MYLK2: variants seen among roughly 807,000 people sequenced by gnomAD.
MYLK2 encodes myosin light chain kinase 2, also known as myosin light chain kinase 2, skeletal/cardiac muscle.
MYLK2 carries 27 observed loss-of-function variants against 58.2 expected under a neutral mutation model. The observed-to-expected ratio is 0.46, with a 90% CI of 0.34 to 0.64. The LOEUF (loss-of-function observed/expected upper bound fraction) is 0.64, where lower values mean the gene tolerates loss of function less well. MYLK2 is among the 30% of genes least tolerant of loss of function. The pLI, the probability that MYLK2 is intolerant of heterozygous loss-of-function variation, is 0.01. For missense variants in MYLK2, 676 were observed against 764.3 expected (o/e 0.88, Z 1.36); for synonymous variants, 310 against 296.7 (o/e 1.04, Z -0.46).
intron 12 of MYLK2, 89 bp from the exon 13 acceptor site, chr20:31,833,628 A>T: frequency 1.7e-6 from 2 of 1,170,726 alleles, no homozygotes; most frequent in Admixed American, 3.4e-5. Flanking sequence ...ACCCTCCTGG[A>T]CTGAAGGGGA....
In MYLK2 at chr20:31,826,947, C is replaced by T. The variant is rs1300750550; in HGVS notation, c.1224+9C>T. ...TGCACCTGGACCTCAAGGTACCAGA[C>T]TGGGGCCTCCTGGGAAGGGTCAGGG... On this transcript the variant is annotated intron_variant, in intron 8 of 12. Coordinates refer to ENST00000375985, the MANE Select transcript of MYLK2 (RefSeq NM_033118.4). 1 of 1,614,004 alleles carries T rather than the reference C, an allele frequency of 6.2e-7. No homozygotes were observed. The highest frequency in any genetic ancestry group is 8.5e-7 in the Non-Finnish European group (1 of 1,179,990).
chr20:31,819,395 C>G lies in MYLK2; in HGVS notation c.-82C>G. On this transcript the variant is annotated 5_prime_UTR_variant, in exon 1 of 13. Transcript: ENST00000375985. ...CTGCTCCTGAGCAGCCGCTGGGAGA[C>G]AGACGGCAACCAGGTTGCCCCTCTT... The G allele has an allele frequency of 1.3e-6, 1 of 749,616 alleles. No individual in the cohort carries two copies. Among genetic ancestry groups the G allele is most frequent in the South Asian group, 1.5e-5 (1 of 64,700 alleles). The allele number at this position is 749,616 out of a possible 1,614,324, so 46.4% of individuals were successfully genotyped here. A position where few individuals can be genotyped will look rare whatever the true frequency, so the allele number is the denominator to read the frequency against.
chr20:31,832,204 G>C (rs775243265), intron 12 of MYLK2, 68 bp downstream of exon 12: 1 of 1,565,008 alleles, frequency 6.4e-7, no homozygotes, highest in Non-Finnish European at 8.7e-7. Flanking sequence ...CCAGATCCCA[G>C]CCTCCACCGT....
intron 4 of MYLK2, among the ~76,000 whole-genome samples, chr20:31,822,536 A>G (rs2062256306): frequency 1.3e-5 from 2 of 151,938 alleles, no homozygotes. Flanking sequence ...GGCTGCAGAG[A>G]GCACTGAGTG....
chr20:31,833,859 CCCAGAAGG>C lies in MYLK2; in HGVS notation c.*69_*76del. On this transcript the variant is annotated 3_prime_UTR_variant, in exon 13 of 13. Coordinates refer to ENST00000375985, the MANE Select transcript of MYLK2 (RefSeq NM_033118.4). ...AGTGGCCGGGGCTGAAGCCACACAGCCCAGAAGGCCAGAAAAGGCAGCCAGATCCCCAG... is the reference window on the plus strand; with the variant it reads ...AGTGGCCGGGGCTGAAGCCACACAGCCCAGAAAAGGCAGCCAGATCCCCAG... 2 of 1,493,924 alleles carry C rather than the reference CCCAGAAGG, an allele frequency of 1.3e-6. No homozygotes were observed. Among genetic ancestry groups the C allele is most frequent in the Admixed American group, 1.7e-5 (1 of 59,086 alleles). 92.5% of individuals were successfully genotyped at this position (1,493,924 alleles called of 1,614,324 possible). A position where few individuals can be genotyped will look rare whatever the true frequency, so the allele number is the denominator to read the frequency against.
intron 6 of MYLK2, 143 bp downstream of exon 6, chr20:31,824,495 G>C: frequency 1.3e-6 from 2 of 1,510,082 alleles, no homozygotes; most frequent in Non-Finnish European, 1.8e-6. Context: ...CACAGATAGA[G>C]AGATGGATGG....
intron 4 of MYLK2, among the ~76,000 whole-genome samples, chr20:31,821,993 A>T (rs141893852): frequency 2.4e-3 from 365 of 152,302 alleles, no homozygotes; most frequent in Non-Finnish European, 4.0e-3. Context: ...GCCTCAAGTG[A>T]TCCTCCCACC....
chr20:31,830,466 C>T (rs1600413131), intron 8 of MYLK2, among the ~76,000 whole-genome samples: 1 of 152,204 alleles, frequency 6.6e-6, no homozygotes. Flanking sequence ...ACTGGCCCCC[C>T]AGCCTGGGGG....
At position 31,833,658 on chromosome 20, in the gene MYLK2, C is replaced by T. The variant is rs2040025422; in HGVS notation, c.1711-59C>T. On this transcript the variant is annotated intron_variant, in intron 12 of 12. Transcript: ENST00000375985. The stretch of plus-strand genomic sequence containing the variant: ...AGGGGACTTACAGGCTGCTCAGACA[C>T]CCTGCAGCTGCCCCCCTGCCCTGGT... 2.7e-6 allele frequency: 4 copies of T among 1,480,160 alleles called. No homozygotes were observed. In the South Asian group the frequency reaches 4.5e-5, roughly 17 times the overall value. 91.7% of individuals were successfully genotyped at this position (1,480,160 alleles called of 1,614,324 possible). A position where few individuals can be genotyped will look rare whatever the true frequency, so the allele number is the denominator to read the frequency against.
At chr20:31,827,206 G>A (rs2062285418) in intron 8 of MYLK2, 1 of 985,258 alleles carries the variant, frequency 1.0e-6, no homozygotes, top group African/African-American at 1.7e-5. Flanking sequence ...TTGTTGAAAG[G>A]GCCTTTTGCA....
chr20:31,833,747 C>T lies in MYLK2; in HGVS notation c.1741C>T (p.Arg581Cys), dbSNP rs766199082. 1.5e-5 allele frequency: 25 copies of T among 1,613,830 alleles called. No homozygotes were observed. In the South Asian group the frequency reaches 2.0e-4, roughly 13 times the overall value. Residue 581 changes from arginine to cysteine, a missense_variant, in exon 13 of 13, where the codon CGC (arginine) becomes TGC (cysteine). Around this residue, in one of 2 missense-constraint regions of MYLK2, gnomAD observed 370 missense variants for 467.8 expected, o/e 0.79. Coordinates refer to ENST00000375985, the MANE Select transcript of MYLK2 (RefSeq NM_033118.4). The part of the protein sequence containing the change: ...KNFIAVSAAN[R>C]FKKISSSGAL... ...CTTCATTGCTGTCAGCGCTGCCAAC[C>T]GCTTCAAGAAGATCAGCAGCTCGGG...
rs1442623234 is a variant in MYLK2, at chr20:31,820,191, G to C, written c.118G>C (p.Asp40His). The C allele has an allele frequency of 3.7e-6, 6 of 1,613,892 alleles. No individual in the cohort carries two copies. The highest frequency in any genetic ancestry group is 2.7e-5 in the African/African-American group (2 of 74,924). ...LAAGKDPGPPDPKKAPDPPTL... is the reference protein window; with the variant it reads ...LAAGKDPGPPHPKKAPDPPTL... The stretch of plus-strand genomic sequence containing the variant: ...TGCAGGGAAAGACCCTGGCCCCCCA[G>C]ACCCAAAGAAAGCTCCGGATCCACC... Residue 40 changes from aspartate to histidine, a missense_variant, in exon 3 of 13, where the codon GAC becomes CAC. Asp to His is a moderately conservative substitution (Grantham distance 81). Transcript: ENST00000375985.
chr20:31,819,650 G>C lies in MYLK2; in HGVS notation c.52+18G>C, dbSNP rs183666766. ...ATCAACAGGTGCCAAGCTGGGGCAG[G>C]AGATGGAGGGAGGAGCTTGGGAAGG... On this transcript the variant is annotated intron_variant, in intron 2 of 12. Coordinates refer to ENST00000375985, the MANE Select transcript of MYLK2 (RefSeq NM_033118.4). 1 of 1,551,350 alleles carries C rather than the reference G, an allele frequency of 6.4e-7. No individual in the cohort carries two copies. The highest frequency in any genetic ancestry group is 2.0e-5 in the Admixed American group (1 of 50,988).
At chr20:31,832,178 G>A (rs2062310528) in intron 12 of MYLK2, 42 bp downstream of exon 12, 2 of 1,590,590 alleles carry the variant, frequency 1.3e-6, no homozygotes, top group Non-Finnish European at 1.7e-6. Context: ...CTTGCTAGTG[G>A]GAAGAGCTCC....
In MYLK2 at chr20:31,834,180, G is replaced by C. The variant is rs959262089; in HGVS notation, c.*383G>C. The stretch of plus-strand genomic sequence containing the variant: ...AGTCCTTAGCCTGGGCCTCCTCCTA[G>C]CTGGAGTGCCATGGCTGGGGGGTCT... On this transcript the variant is annotated 3_prime_UTR_variant, in exon 13 of 13. Transcript: ENST00000375985. 4 of 259,552 alleles carry C rather than the reference G, an allele frequency of 1.5e-5. No homozygotes were observed. The Admixed American group carries it at 1.9e-4, about 12-fold the overall frequency. 16.1% of individuals were successfully genotyped at this position (259,552 alleles called of 1,614,324 possible).
chr20:31,824,416 C>T lies in MYLK2; in HGVS notation c.972+64C>T, dbSNP rs540801093. On this transcript the variant is annotated intron_variant, in intron 6 of 12. Transcript: ENST00000375985. Reference sequence around the variant, plus strand: ...GAGGGGATCCTTGGAGTGGGCACCTCTCGCCTCCCTCCACCAGCGCTGCTG... The same window carrying T: ...GAGGGGATCCTTGGAGTGGGCACCTTTCGCCTCCCTCCACCAGCGCTGCTG... The T allele has an allele frequency of 2.1e-5, 33 of 1,562,608 alleles. No homozygotes were observed. The African/African-American group carries it at 3.9e-4, about 19-fold the overall frequency.
At chr20:31,831,311 T>A (rs1344857874) in intron 10 of MYLK2, among the ~76,000 whole-genome samples, 170 bp downstream of exon 10, 5 of 151,782 alleles carry the variant, frequency 3.3e-5, no homozygotes, top group Admixed American at 2.0e-4. Flanking sequence ...GGGAACGTGG[T>A]ACCCATTTCA....
At chr20:31,823,946 C>T (rs2062265443) in intron 5 of MYLK2, 1 of 985,268 alleles carries the variant, frequency 1.0e-6, no homozygotes, top group Non-Finnish European at 1.2e-6. Context: ...CTGAAGGTGC[C>T]CTCCCCCAGG....
At chr20:31,832,448 C>G (rs1166691107) in intron 12 of MYLK2, among the ~76,000 whole-genome samples, 1 of 152,224 alleles carries the variant, frequency 6.6e-6, no homozygotes, top group African/African-American at 2.4e-5. Context: ...AGACAAAGAT[C>G]TCAGTCTTTG....
Sources: allele counts gnomAD v4.1 joint callset (sites outside exome capture counted in the v4.1 genomes callset), GRCh38; gene constraint gnomAD v4.1.1; regional missense constraint gnomAD v4.1.1; transcripts MANE v1.5; gene names NCBI Gene and HGNC (gene_info 2026-07-23, HGNC 2026-07-21).